Variants in THAP4 observed in about 807,000 individuals in gnomAD.
THAP4 encodes the protein peroxynitrite isomerase THAP4.
In THAP4, 18 loss-of-function variants were observed where a neutral mutation model predicts 48.1. That is an observed-to-expected ratio of 0.37 (90% CI 0.26 to 0.56). THAP4 has a LOEUF of 0.56. Ranked by LOEUF, THAP4 falls within the 20% of genes least tolerant of loss-of-function variation. THAP4 has a pLI of 0.78. For missense variants in THAP4, 656 were observed against 774.9 expected (o/e 0.85, Z 1.82); for synonymous variants, 345 against 324.9 (o/e 1.06, Z -0.66).
At chr2:241,625,819 A>AAAAAAAG (rs1559233376) in intron 2 of THAP4, among the ~76,000 whole-genome samples, 1 of 140,774 alleles carries the variant, frequency 7.1e-6, no homozygotes, top group African/African-American at 2.8e-5. Flanking sequence ...AAAAAAAAAA[A>AAAAAAAG]AAAAAGAAAA....
At chr2:241,637,204 G>A, upstream of THAP4, 2 of 987,154 alleles carry the variant, frequency 2.0e-6, no homozygotes, top group Non-Finnish European at 2.4e-6. Context: ...CCCAGCCCCC[G>A]CCCGCGTCCT....
At chr2:241,637,369 T>C (rs1483953344), upstream of THAP4, 1 of 1,376,134 alleles carries the variant, frequency 7.3e-7, no homozygotes, top group Non-Finnish European at 9.5e-7. Flanking sequence ...TACCGCAAGA[T>C]GGCTGCTCGG....
intron 5 of THAP4, among the ~76,000 whole-genome samples, chr2:241,585,866 T>C (rs947742681): frequency 9.4e-5 from 12 of 127,370 alleles, no homozygotes; most frequent in Admixed American, 1.9e-4. Flanking sequence ...TGAGCCGAGA[T>C]CATGCCACTG....
chr2:241,624,225 C>T (rs980488131), intron 2 of THAP4, among the ~76,000 whole-genome samples: 1 of 152,246 alleles, frequency 6.6e-6, no homozygotes, highest in African/African-American at 2.4e-5. Flanking sequence ...TGGTGGCTCA[C>T]GCCTATAATC....
intron 2 of THAP4, among the ~76,000 whole-genome samples, chr2:241,627,234 G>C (rs534847032): frequency 6.6e-5 from 10 of 152,200 alleles, no homozygotes; most frequent in Admixed American, 5.2e-4. Context: ...TTTTGTACTT[G>C]GATTTTGACA....
intron 2 of THAP4, among the ~76,000 whole-genome samples, chr2:241,607,568 C>CA (rs1438668870): frequency 2.6e-5 from 4 of 151,446 alleles, no homozygotes; most frequent in African/African-American, 9.7e-5. Flanking sequence ...CACCCAGGAG[C>CA]AGCAGCAGGG....
chr2:241,630,880 G>A (rs2067549410), intron 2 of THAP4, among the ~76,000 whole-genome samples: 1 of 151,796 alleles, frequency 6.6e-6, no homozygotes. Context: ...ATAAGAATTA[G>A]CCAGGTGTGG....
intron 5 of THAP4, among the ~76,000 whole-genome samples, chr2:241,585,805 C>T (rs993483949): frequency 4.7e-5 from 7 of 148,442 alleles, no homozygotes; most frequent in Admixed American, 2.0e-4. Flanking sequence ...CCCAGCTACT[C>T]GGGAAGTTGA....
chr2:241,634,907 C>T (rs2067616674), intron 1 of THAP4, among the ~76,000 whole-genome samples: 2 of 152,238 alleles, frequency 1.3e-5, no homozygotes, highest in African/African-American at 4.8e-5. Context: ...AAAACAAACA[C>T]TGCATGATAC....
chr2:241,594,434 A>T (rs1290077616), intron 5 of THAP4, among the ~76,000 whole-genome samples: 3 of 152,146 alleles, frequency 2.0e-5, no homozygotes, highest in Admixed American at 1.3e-4. Context: ...AACTACAAAT[A>T]AAGTAGCCGT....
At chr2:241,614,313 C>T (rs1406207798) in intron 2 of THAP4, among the ~76,000 whole-genome samples, 1 of 152,116 alleles carries the variant, frequency 6.6e-6, no homozygotes, top group African/African-American at 2.4e-5. Context: ...CCAATCTTAG[C>T]ATCACGTAAA....
chr2:241,602,819 C>T, intron 4 of THAP4, 151 bp downstream of exon 4: 1 of 646,318 alleles, frequency 1.5e-6, no homozygotes, highest in Non-Finnish European at 2.8e-6. Flanking sequence ...CGCAGGCTCC[C>T]AGGACCACTC....
chr2:241,606,394 C>A lies in THAP4; in HGVS notation c.1320G>T (p.Gly440=). ...GTWLSDPPGA[G]TYPTLQPFQY... ...GGAAGGGCTGCAGTGTGGGGTAGGT[C>A]CCGGCTCCAGGTGGGTCCGACAGCC... The change falls in exon 3 of 6, where the codon GGG becomes GGT. Residue 440 remains glycine (G), a synonymous_variant. Transcript: ENST00000407315. 1 of 1,600,478 alleles carries A rather than the reference C, an allele frequency of 6.2e-7. No individual in the cohort carries two copies. Among genetic ancestry groups the A allele is most frequent in the Non-Finnish European group, 8.5e-7 (1 of 1,173,614 alleles).
At chr2:241,609,026 C>T (rs2067226916) in intron 2 of THAP4, among the ~76,000 whole-genome samples, 1 of 152,212 alleles carries the variant, frequency 6.6e-6, no homozygotes, top group African/African-American at 2.4e-5. Flanking sequence ...AGGGCCGTGA[C>T]CTTGACTCTG....
At chr2:241,590,151 A>G (rs71430340) in intron 5 of THAP4, among the ~76,000 whole-genome samples, 291 of 54,660 alleles carry the variant, frequency 5.3e-3, no homozygotes, top group Non-Finnish European at 5.7e-3. Flanking sequence ...GGCTGATGAT[A>G]ATGGGCACTA....
At chr2:241,586,401 T>G (rs1203779444) in intron 5 of THAP4, among the ~76,000 whole-genome samples, 1 of 151,942 alleles carries the variant, frequency 6.6e-6, no homozygotes, top group Non-Finnish European at 1.5e-5. Flanking sequence ...ACACGAGCTG[T>G]CCATCCTTGA....
At chr2:241,636,907 G>A in intron 1 of THAP4, 34 bp downstream of exon 1, 2 of 1,156,820 alleles carry the variant, frequency 1.7e-6, no homozygotes, top group Non-Finnish European at 2.2e-6. Flanking sequence ...GGGCCGGGTC[G>A]GGGCGGGGGC....
rs1387882220 is a variant in THAP4 at position 241,621,748 on chromosome 2, C to T, written c.1240+11169G>A. Reference sequence around the variant, plus strand: ...ATAGTTCAGAGTTTTCCAAAATTATCGATGACACCAAACCACAGATCCAGG... The same window carrying T: ...ATAGTTCAGAGTTTTCCAAAATTATTGATGACACCAAACCACAGATCCAGG... On this transcript the variant is annotated intron_variant, in intron 2 of 5. Transcript: ENST00000407315. Among the ~76,000 whole-genome samples the T allele has an allele frequency of 3.9e-5, 6 of 152,126 alleles. No homozygotes were observed. In the East Asian group the frequency reaches 9.6e-4, roughly 24 times the overall value.
At chr2:241,634,300 T>C (rs935745240) in intron 1 of THAP4, among the ~76,000 whole-genome samples, 4 of 152,220 alleles carry the variant, frequency 2.6e-5, no homozygotes, top group Admixed American at 2.0e-4. Context: ...ACAGAGCTTA[T>C]AGTCTGTAGG....
Sources: allele counts gnomAD v4.1 joint callset (sites outside exome capture counted in the v4.1 genomes callset), GRCh38; gene constraint gnomAD v4.1.1; transcripts MANE v1.5; gene names NCBI Gene and HGNC (gene_info 2026-07-23, HGNC 2026-07-21).